Variants in POU6F2 observed in about 807,000 individuals in gnomAD.
POU6F2 encodes POU domain, class 6, transcription factor 2.
POU6F2 carries 31 observed loss-of-function variants against 71.3 expected under a neutral mutation model. The ratio of observed to expected loss-of-function variants is 0.43; its 90% CI spans 0.33 to 0.59. The LOEUF is 0.59. POU6F2 is among the 20% of genes least tolerant of loss of function. The pLI, the probability that POU6F2 is intolerant of heterozygous loss-of-function variation, is 0.04. For synonymous variants in POU6F2, 347 were observed against 355.7 expected (o/e 0.98, Z 0.27); for missense variants, 783 against 856.8 (o/e 0.91, Z 1.07).
rs149535398 is a variant in POU6F2 at position 39,214,591 on chromosome 7, C to T, written c.598+6971C>T. ...GCATCATTTATGTCTGACTCTGCCC[C>T]TAGAATGGAAGCCCTGTGACAGGCA... On this transcript the variant is annotated intron_variant, in intron 4 of 9. Transcript: ENST00000518318. Among the ~76,000 whole-genome samples the T allele has an allele frequency of 5.9e-5, 9 of 152,270 alleles. No individual in the cohort carries two copies. In the East Asian group the frequency reaches 1.7e-3, roughly 29 times the overall value.
intron 4 of POU6F2, among the ~76,000 whole-genome samples, chr7:39,258,387 C>A (rs1237473212): frequency 6.6e-6 from 1 of 152,106 alleles, no homozygotes; most frequent in Admixed American, 6.6e-5. Context: ...GGATTTTATC[C>A]AGACATTTTC....
intron 2 of POU6F2, among the ~76,000 whole-genome samples, chr7:39,195,941 A>T (rs1793779985): frequency 6.6e-6 from 1 of 151,776 alleles, no homozygotes; most frequent in Non-Finnish European, 1.5e-5. Context: ...CTCTCTCCTC[A>T]CCTAAGCTAG....
chr7:39,009,730 G>A (rs1170298475), intron 1 of POU6F2, among the ~76,000 whole-genome samples: 1 of 151,840 alleles, frequency 6.6e-6, no homozygotes, highest in Admixed American at 6.6e-5. Context: ...TTTTTAGCAT[G>A]AAGGGTTGTT....
intron 2 of POU6F2, among the ~76,000 whole-genome samples, chr7:39,107,208 C>T (rs770274788): frequency 1.3e-5 from 2 of 151,936 alleles, no homozygotes; most frequent in African/African-American, 2.4e-5. Flanking sequence ...CTGTGCTTGG[C>T]TAATTTTTTA....
intron 5 of POU6F2, 45 bp downstream of exon 5, chr7:39,340,060 C>A: frequency 6.5e-7 from 1 of 1,547,816 alleles, no homozygotes; most frequent in East Asian, 2.3e-5. Flanking sequence ...GCACCAAGGA[C>A]CTTTCCATGG....
At chr7:39,219,310 C>T (rs1361637742) in intron 4 of POU6F2, among the ~76,000 whole-genome samples, 2 of 152,152 alleles carry the variant, frequency 1.3e-5, no homozygotes, top group African/African-American at 2.4e-5. Context: ...AAAGTTTCAA[C>T]AGTGTTTGCT....
At chr7:39,217,838 C>T (rs1332210129) in intron 4 of POU6F2, among the ~76,000 whole-genome samples, 3 of 152,104 alleles carry the variant, frequency 2.0e-5, no homozygotes, top group East Asian at 1.9e-4. Flanking sequence ...ATCCTTGAAG[C>T]GGGTGTCACT....
At chr7:39,148,089 C>T (rs1792658340) in intron 2 of POU6F2, among the ~76,000 whole-genome samples, 1 of 152,214 alleles carries the variant, frequency 6.6e-6, no homozygotes, top group South Asian at 2.1e-4. Flanking sequence ...CAAGAGAAAC[C>T]TTTTAACAAC....
At chr7:39,254,327 C>A (rs1458346451) in intron 4 of POU6F2, among the ~76,000 whole-genome samples, 1 of 152,162 alleles carries the variant, frequency 6.6e-6, no homozygotes, top group East Asian at 1.9e-4. Flanking sequence ...AAGAGGGCAG[C>A]TCTTGCAGTA....
rs762758666 is a variant in POU6F2 at position 39,085,976 on chromosome 7, C to T, written c.222C>T (p.Pro74=). ...CTTCAGACAGCGAGCTGAATGAGCCCCTGCTTGCGCCTGTGGAATCAAATG... is the reference window on the plus strand; with the variant it reads ...CTTCAGACAGCGAGCTGAATGAGCCTCTGCTTGCGCCTGTGGAATCAAATG... ...AATSDSELNE[P]LLAPVESNDS... The change falls in exon 2 of 10, where the codon CCC becomes CCT. Residue 74 remains proline (P), a synonymous_variant. Transcript: ENST00000518318. The T allele has an allele frequency of 6.2e-7, 1 of 1,613,566 alleles. No homozygotes were observed. The highest frequency in any genetic ancestry group is 1.7e-5 in the Admixed American group (1 of 59,944).
At position 39,062,238 on chromosome 7, in the gene POU6F2, A is replaced by T. The variant is rs184292206; in HGVS notation, c.106-23622A>T. On this transcript the variant is annotated intron_variant, in intron 1 of 9. Transcript: ENST00000518318. ...AGGCAAATAATGTGTCAGTACTGTT[A>T]AAAAAATACTTATTACAATAATATT... 2.5e-4 allele frequency among the ~76,000 whole-genome samples: 35 copies of T among 137,588 alleles called. 1 individual carries two copies. The highest frequency in any genetic ancestry group is 2.1e-3 in the Admixed American group (29 of 13,834). The allele number at this position is 137,588 out of a possible 152,430, so 90.3% of individuals were successfully genotyped here. A position where few individuals can be genotyped will look rare whatever the true frequency, so the allele number is the denominator to read the frequency against.
chr7:39,182,272 G>A lies in POU6F2; in HGVS notation c.278-21963G>A, dbSNP rs540971245. 1.1e-4 allele frequency among the ~76,000 whole-genome samples: 17 copies of A among 152,150 alleles called. No individual in the cohort carries two copies. In the South Asian group the frequency reaches 3.1e-3, roughly 28 times the overall value. On this transcript the variant is annotated intron_variant, in intron 2 of 9. Transcript: ENST00000518318. ...TATATATTTTACTATTCTATGTTTT[G>A]TAAATGCTGGTTGCCACTCACAAAC...
intron 2 of POU6F2, among the ~76,000 whole-genome samples, chr7:39,164,691 CA>C (rs1251406809): frequency 6.6e-6 from 1 of 151,796 alleles, no homozygotes; most frequent in Non-Finnish European, 1.5e-5. Context: ...TGGGGGAAGC[CA>C]GGGACAGAGC....
In POU6F2 at chr7:39,248,149, T is replaced by C. The variant is rs565742676; in HGVS notation, c.598+40529T>C. Among the ~76,000 whole-genome samples, 443 of 152,116 alleles carry C rather than the reference T, an allele frequency of 2.9e-3. 2 individuals are homozygous for C. The highest frequency in any genetic ancestry group is 9.9e-3 in the African/African-American group (410 of 41,500). On this transcript the variant is annotated intron_variant, in intron 4 of 9. Coordinates refer to ENST00000518318, the MANE Select transcript of POU6F2 (RefSeq NM_001370959.1). The stretch of plus-strand genomic sequence containing the variant: ...AGTGGCATTACTACTCTGGGAGAAG[T>C]GGACATATTGACTTGTTAAGAGATA...
In POU6F2 at chr7:39,436,006, C is replaced by T. The variant is rs537543030; in HGVS notation, c.1320+2723C>T. Among the ~76,000 whole-genome samples, 11 of 152,204 alleles carry T rather than the reference C, an allele frequency of 7.2e-5. No homozygotes were observed. In the East Asian group the frequency reaches 1.2e-3, roughly 16 times the overall value. On this transcript the variant is annotated intron_variant, in intron 7 of 9. Coordinates refer to ENST00000518318, the MANE Select transcript of POU6F2 (RefSeq NM_001370959.1). Reference sequence around the variant, plus strand: ...TATATCTGTTTTGGTGCCAGTACCACACTATTTTAGTTACTGTAGCCTTGT... The same window carrying T: ...TATATCTGTTTTGGTGCCAGTACCATACTATTTTAGTTACTGTAGCCTTGT...
chr7:39,204,183 AGTTCCCAAGCTGGATCATATAT>A, intron 2 of POU6F2, 30 bp from the exon 3 acceptor site: 1 of 1,473,050 alleles, frequency 6.8e-7, no homozygotes, highest in Non-Finnish European at 9.4e-7. Flanking sequence ...ATGTGACATC[AGTTCCCAAGCTGGATCATATAT>A]TAAGGGAGTA....
At chr7:39,097,428 A>C (rs2128722940) in intron 2 of POU6F2, among the ~76,000 whole-genome samples, 1 of 151,128 alleles carries the variant, frequency 6.6e-6, no homozygotes, top group South Asian at 2.1e-4. Flanking sequence ...ATTTTCATCA[A>C]CTCTCTGTTG....
At chr7:39,151,763 C>T (rs1792764434) in intron 2 of POU6F2, among the ~76,000 whole-genome samples, 1 of 152,142 alleles carries the variant, frequency 6.6e-6, no homozygotes, top group Admixed American at 6.5e-5. Flanking sequence ...AATCCCATGC[C>T]CTTAACTGTG....
At chr7:39,023,153 A>C (rs1227046308) in intron 1 of POU6F2, among the ~76,000 whole-genome samples, 2 of 152,054 alleles carry the variant, frequency 1.3e-5, no homozygotes, top group African/African-American at 4.8e-5. Context: ...TTTTAAAAGT[A>C]TTATTCAAGT....
Sources: gnomAD v4.1 joint callset for allele counts (sites outside exome capture counted in the v4.1 genomes callset) on GRCh38, gnomAD v4.1.1 for gene constraint, MANE v1.5 for transcripts, NCBI Gene and HGNC (gene_info 2026-07-23, HGNC 2026-07-21) for gene names.